Variants in THEMIS observed in about 807,000 individuals in gnomAD.
The protein encoded by THEMIS is thymocyte selection associated, also known as protein THEMIS.
Under a neutral mutation model 52.6 loss-of-function variants are expected in THEMIS, and 37 were observed. The ratio of observed to expected loss-of-function variants is 0.70; its 90% CI spans 0.54 to 0.93. The LOEUF is 0.93. Among genes scored for constraint, THEMIS ranks in the 40% least tolerant of loss-of-function variants. The probability of loss-of-function intolerance (pLI) is 0.00; values close to 1 mark genes in which losing one functional copy is unlikely to be tolerated. For synonymous variants in THEMIS, 292 were observed against 272.7 expected (o/e 1.07, Z -0.70); for missense variants, 808 against 763.1 (o/e 1.06, Z -0.69).
chr6:127,861,783 C>CAA (rs1225783673), intron 1 of THEMIS, among the ~76,000 whole-genome samples: 156 of 95,588 alleles, frequency 1.6e-3, no homozygotes, highest in African/African-American at 3.3e-3. Context: ...GACTCCATCT[C>CAA]AAAAAAAAAA....
intron 4 of THEMIS, among the ~76,000 whole-genome samples, chr6:127,737,233 A>T (rs555040863): frequency 7.6e-4 from 116 of 152,288 alleles, no homozygotes; most frequent in African/African-American, 2.6e-3. Context: ...ATCTGCCAGG[A>T]TTTCATGGCT....
At chr6:127,732,987 C>G (rs1774864023) in intron 4 of THEMIS, among the ~76,000 whole-genome samples, 1 of 152,326 alleles carries the variant, frequency 6.6e-6, no homozygotes, top group African/African-American at 2.4e-5. Flanking sequence ...CTTGCTAAGA[C>G]TTGGTACTCT....
rs147177492 is a variant in THEMIS at position 127,911,058 on chromosome 6, G to A, written c.-150+7370C>T. On this transcript the variant is annotated intron_variant, in intron 1 of 6. Coordinates refer to the THEMIS transcript ENST00000368250. ...GGTTCACCTTGGGTTATGGGTTTGGGGAGGAAGACCACAGAGGTAAATTAG... is the reference window on the plus strand; with the variant it reads ...GGTTCACCTTGGGTTATGGGTTTGGAGAGGAAGACCACAGAGGTAAATTAG... Among the ~76,000 whole-genome samples, 557 of 147,534 alleles carry A rather than the reference G, an allele frequency of 3.8e-3. 20 individuals carry two copies. The highest frequency in any genetic ancestry group is 0.014 in the African/African-American group (525 of 37,172).
intron 1 of THEMIS, among the ~76,000 whole-genome samples, chr6:127,910,569 T>C (rs1299321530): frequency 6.6e-6 from 1 of 152,160 alleles, no homozygotes; most frequent in Non-Finnish European, 1.5e-5. Context: ...TTAGGGAAGA[T>C]AATTAGATGA....
At chr6:127,729,176 CTCTCTCTCTCTCTCTCTCTCTCTCTCTT>C (rs1200164899) in intron 4 of THEMIS, among the ~76,000 whole-genome samples, 2 of 57,668 alleles carry the variant, frequency 3.5e-5, no homozygotes, top group African/African-American at 8.7e-5. Flanking sequence ...CTCTCTCTCT[CTCTCTCTCTCTCTCTCTCTCTCTCTCTT>C]CACTCATCCC....
intron 4 of THEMIS, among the ~76,000 whole-genome samples, chr6:127,760,988 C>T (rs920745395): frequency 2.0e-5 from 3 of 151,958 alleles, no homozygotes; most frequent in African/African-American, 4.8e-5. Context: ...ACAAAGGAAA[C>T]AATTGACAAA....
At chr6:127,760,241 A>G (rs12660845) in intron 4 of THEMIS, among the ~76,000 whole-genome samples, 10,588 of 152,082 alleles carry the variant, frequency 0.07, 373 homozygotes, top group Non-Finnish European at 0.086. Flanking sequence ...CCATTGGGCT[A>G]TATGTCTGCC....
intron 4 of THEMIS, among the ~76,000 whole-genome samples, chr6:127,780,411 G>T (rs547607918): frequency 1.3e-5 from 2 of 152,294 alleles, no homozygotes; most frequent in African/African-American, 4.8e-5. Context: ...GGTTAATATT[G>T]TTATGTGTAA....
At chr6:127,710,146 G>T in intron 5 of THEMIS, 130 bp from the exon 6 acceptor site, 1 of 461,864 alleles carries the variant, frequency 2.2e-6, no homozygotes, top group Non-Finnish European at 3.6e-6. Context: ...AAGCAAAGCA[G>T]AAAGAGCCAG....
intron 5 of THEMIS, among the ~76,000 whole-genome samples, chr6:127,718,302 C>T (rs973606948): frequency 1.3e-5 from 2 of 151,854 alleles, no homozygotes; most frequent in African/African-American, 4.8e-5. Flanking sequence ...TTCCATTTTA[C>T]TCTCTTGAAT....
At chr6:127,831,793 G>A (rs1778704961) in intron 2 of THEMIS, among the ~76,000 whole-genome samples, 1 of 152,090 alleles carries the variant, frequency 6.6e-6, no homozygotes, top group Admixed American at 6.6e-5. Context: ...ACTGTATGCT[G>A]TGCTTGACTA....
chr6:127,752,546 G>A (rs968393453), intron 4 of THEMIS, among the ~76,000 whole-genome samples: 4 of 151,516 alleles, frequency 2.6e-5, no homozygotes, highest in Non-Finnish European at 5.9e-5. Flanking sequence ...GGTAAACCAA[G>A]AAGAAAGAGA....
chr6:127,736,711 T>A (rs1775018156), intron 4 of THEMIS, among the ~76,000 whole-genome samples: 1 of 152,094 alleles, frequency 6.6e-6, no homozygotes, highest in African/African-American at 2.4e-5. Context: ...TTACTTTCAT[T>A]ATTTGCCATT....
chr6:127,915,145 T>A (rs1170837341), intron 1 of THEMIS, among the ~76,000 whole-genome samples: 1 of 152,056 alleles, frequency 6.6e-6, no homozygotes, highest in Non-Finnish European at 1.5e-5. Context: ...CTTTTGAAGC[T>A]TTTACTGGGG....
intron 2 of THEMIS, among the ~76,000 whole-genome samples, chr6:127,841,720 GAA>G (rs11447679): frequency 1.3e-5 from 2 of 150,618 alleles, no homozygotes. Flanking sequence ...AAAAGCAAGA[GAA>G]AAAAAAATAG....
rs1779562792 is a variant in THEMIS at position 127,854,880 on chromosome 6, A to G, written c.250+150T>C. The G allele has an allele frequency of 1.5e-5, 9 of 589,080 alleles. No individual in the cohort carries two copies. In the East Asian group the frequency reaches 3.0e-4, roughly 20 times the overall value. The allele number at this position is 589,080 out of a possible 1,614,324, so 36.5% of individuals were successfully genotyped here. ...AAATAGTTGCTTTCCATTCGTTCTT[A>G]AAATGATCAAACTATAACAATTCCG... On this transcript the variant is annotated intron_variant, in intron 2 of 5. Transcript: ENST00000368248.
At chr6:127,771,781 T>G (rs570470623) in intron 4 of THEMIS, among the ~76,000 whole-genome samples, 100 of 152,230 alleles carry the variant, frequency 6.6e-4, no homozygotes, top group African/African-American at 2.2e-3. Context: ...CTTTCCCCCA[T>G]CCTTTTTACT....
At chr6:127,896,440 A>G (rs1371385551) in intron 1 of THEMIS, among the ~76,000 whole-genome samples, 1 of 151,652 alleles carries the variant, frequency 6.6e-6, no homozygotes, top group African/African-American at 2.4e-5. Flanking sequence ...AAAAAATACA[A>G]GATCTGTACA....
chr6:127,897,122 T>G, intron 1 of THEMIS, among the ~76,000 whole-genome samples: 1 of 151,342 alleles, frequency 6.6e-6, no homozygotes, highest in Admixed American at 6.6e-5. Context: ...AAATAAATAT[T>G]GCTCTCAACT....
Sources: gnomAD v4.1 joint callset for allele counts (sites outside exome capture counted in the v4.1 genomes callset) on GRCh38, gnomAD v4.1.1 for gene constraint, MANE v1.5 for transcripts, NCBI Gene and HGNC (gene_info 2026-07-23, HGNC 2026-07-21) for gene names.